The following DNAI7 variants were observed in gnomAD, a reference collection of about 807,000 sequenced individuals.
The protein encoded by DNAI7 is dynein axonemal intermediate chain 7, also known as cancer susceptibility 1.
DNAI7 carries 78 observed loss-of-function variants against 86.6 expected under a neutral mutation model. The ratio of observed to expected loss-of-function variants is 0.90; its 90% CI spans 0.75 to 1.09. The LOEUF is 1.09. DNAI7 is among the 50% of genes least tolerant of loss of function. The pLI is 0.00. For synonymous variants in DNAI7, 274 were observed against 273.0 expected (o/e 1.00, Z -0.04); for missense variants, 753 against 810.2 (o/e 0.93, Z 0.86).
intron 2 of DNAI7, among the ~76,000 whole-genome samples, chr12:25,182,615 C>CACACACACACACAA (rs1949629408): frequency 6.6e-6 from 1 of 150,576 alleles, no homozygotes; most frequent in Non-Finnish European, 1.5e-5. Flanking sequence ...TACACACACA[C>CACACACACACACAA]ACACACACAC....
At chr12:25,149,883 C>T in intron 6 of DNAI7, 109 bp from the exon 7 acceptor site, 1 of 618,704 alleles carries the variant, frequency 1.6e-6, no homozygotes, top group Non-Finnish European at 2.7e-6. Flanking sequence ...CTTAGCAAAA[C>T]ATATAGAAAC....
At chr12:25,158,706 A>G in intron 3 of DNAI7, 143 bp from the exon 4 acceptor site, 1 of 1,487,090 alleles carries the variant, frequency 6.7e-7, no homozygotes, top group Middle Eastern at 2.2e-4. Context: ...GATATGAGAA[A>G]AGTGTCAGTT....
At chr12:25,181,271 T>C (rs1441924120) in intron 2 of DNAI7, among the ~76,000 whole-genome samples, 1 of 152,106 alleles carries the variant, frequency 6.6e-6, no homozygotes, top group Admixed American at 6.6e-5. Context: ...CCACTGCATC[T>C]GGCTAATTTT....
intron 7 of DNAI7, among the ~76,000 whole-genome samples, chr12:25,149,009 T>G (rs1447510964): frequency 2.0e-5 from 3 of 152,104 alleles, no homozygotes; most frequent in Admixed American, 6.5e-5. Context: ...TTACTTTTAT[T>G]TTTTTGAGAC....
At chr12:25,116,851 C>G (rs535662940) in intron 12 of DNAI7, among the ~76,000 whole-genome samples, 9 of 152,242 alleles carry the variant, frequency 5.9e-5, no homozygotes, top group African/African-American at 2.2e-4. Context: ...AAAGTGACAC[C>G]TCTGAAACAA....
At chr12:25,148,515 C>T (rs1420060716) in intron 7 of DNAI7, among the ~76,000 whole-genome samples, 3 of 152,098 alleles carry the variant, frequency 2.0e-5, no homozygotes, top group Non-Finnish European at 4.4e-5. Flanking sequence ...TTTAGGTAGC[C>T]ACTGAGGATC....
chr12:25,132,723 G>T (rs1198038724), intron 9 of DNAI7, among the ~76,000 whole-genome samples: 3 of 150,370 alleles, frequency 2.0e-5, no homozygotes, highest in Non-Finnish European at 4.4e-5. Context: ...TGCTCAATCT[G>T]ATAGGAAAAC....
intron 9 of DNAI7, among the ~76,000 whole-genome samples, chr12:25,135,976 T>C (rs1943504775): frequency 6.6e-6 from 1 of 152,078 alleles, no homozygotes; most frequent in Non-Finnish European, 1.5e-5. Flanking sequence ...GCCCCATCCA[T>C]CACCTGAGAA....
At chr12:25,127,914 T>C (rs914919190) in intron 9 of DNAI7, among the ~76,000 whole-genome samples, 2 of 152,228 alleles carry the variant, frequency 1.3e-5, no homozygotes, top group African/African-American at 4.8e-5. Flanking sequence ...ATATGGTATG[T>C]GTTTTGAGAC....
intron 2 of DNAI7, among the ~76,000 whole-genome samples, chr12:25,173,829 TACC>T (rs549193019): frequency 2.2e-3 from 312 of 139,280 alleles, no homozygotes; most frequent in Non-Finnish European, 3.4e-3. Context: ...ATCATATATA[TACC>T]ACATCATATA....
intron 2 of DNAI7, among the ~76,000 whole-genome samples, chr12:25,175,342 C>A (rs1248703209): frequency 6.6e-6 from 1 of 152,022 alleles, no homozygotes; most frequent in Non-Finnish European, 1.5e-5. Flanking sequence ...CTTCCCATTG[C>A]AGTGGATGAA....
At chr12:25,147,477 C>CCG (rs1201379295) in intron 7 of DNAI7, among the ~76,000 whole-genome samples, 8 of 27,412 alleles carry the variant, frequency 2.9e-4, no homozygotes, top group Non-Finnish European at 1.8e-3. Flanking sequence ...CATAATGAGA[C>CCG]CACCCCCATC....
chr12:25,195,051 T>C, intron 1 of DNAI7, 25 bp downstream of exon 1: 1 of 1,614,202 alleles, frequency 6.2e-7, no homozygotes, highest in Non-Finnish European at 8.5e-7. Flanking sequence ...CCCCTCCACC[T>C]GTCTGCCTCA....
chr12:25,113,566 C>T (rs1327517082), intron 13 of DNAI7, among the ~76,000 whole-genome samples: 3 of 152,154 alleles, frequency 2.0e-5, no homozygotes, highest in South Asian at 2.1e-4. Flanking sequence ...TCCCAAAGTG[C>T]TAGGATTACA....
In DNAI7 at chr12:25,145,834, T is replaced by C. The variant is rs76675564; in HGVS notation, c.690-1157A>G. Among the ~76,000 whole-genome samples the C allele has an allele frequency of 3.5e-3, 528 of 152,312 alleles. 7 individuals are homozygous for C. Among genetic ancestry groups the C allele is most frequent in the African/African-American group, 0.012 (509 of 41,574 alleles). On this transcript the variant is annotated intron_variant, in intron 8 of 15. Transcript: ENST00000395987. ...AAGCAGCAACCAAGCACTCATGAAT[T>C]TGCCATCGTCACTGTCATTCCTCAG... is the stretch of plus-strand genomic sequence containing the variant.
intron 1 of DNAI7, 49 bp downstream of exon 1, chr12:25,195,027 A>G (rs367619668): frequency 3.7e-6 from 6 of 1,614,074 alleles, no homozygotes; most frequent in African/African-American, 2.7e-5. Flanking sequence ...CTGGTGAAGC[A>G]GAATCAGTGG....
intron 2 of DNAI7, among the ~76,000 whole-genome samples, chr12:25,162,832 C>G (rs547165569): frequency 1.8e-4 from 28 of 152,236 alleles, no homozygotes; most frequent in Non-Finnish European, 3.8e-4. Flanking sequence ...ACTCAACTTT[C>G]CATTTATTCT....
chr12:25,108,489 A>G lies in DNAI7; in HGVS notation c.*59T>C, dbSNP rs1174493175. On this transcript the variant is annotated 3_prime_UTR_variant, in exon 16 of 16. Transcript: ENST00000395987. ...TCACTCATTACATTGTGTTGCAGAA[A>G]TACCTGTCTTTCACCATGCTTGGTT... The G allele has an allele frequency of 1.6e-5, 23 of 1,427,866 alleles. No individual in the cohort carries two copies. Among genetic ancestry groups the G allele is most frequent in the Admixed American group, 8.4e-5 (4 of 47,462 alleles). The allele number at this position is 1,427,866 out of a possible 1,614,324, so 88.4% of individuals were successfully genotyped here.
chr12:25,156,778 ATTATAC>A (rs1946230441), intron 4 of DNAI7, among the ~76,000 whole-genome samples: 2 of 152,060 alleles, frequency 1.3e-5, no homozygotes, highest in African/African-American at 4.8e-5. Context: ...TTGGTTGGTG[ATTATAC>A]TAATGTATGT....
Sources: allele counts gnomAD v4.1 joint callset (sites outside exome capture counted in the v4.1 genomes callset), GRCh38; gene constraint gnomAD v4.1.1; transcripts MANE v1.5; gene names NCBI Gene and HGNC (gene_info 2026-07-23, HGNC 2026-07-21).